KCNQ5: variants seen among roughly 807,000 people sequenced by gnomAD.
KCNQ5 encodes the protein potassium voltage-gated channel subfamily KQT member 5.
KCNQ5 carries 30 observed loss-of-function variants against 98.2 expected under a neutral mutation model. That is an observed-to-expected ratio of 0.31 (90% CI 0.23 to 0.41). KCNQ5 has a LOEUF of 0.41. Ranked by LOEUF, KCNQ5 falls within the 10% of genes least tolerant of loss-of-function variation. KCNQ5 has a pLI of 1.00. For missense variants in KCNQ5, 835 were observed against 1,182.5 expected (o/e 0.71, Z 4.31); for synonymous variants, 458 against 449.4 (o/e 1.02, Z -0.24).
chr6:73,026,933 C>T (rs1770917549), intron 2 of KCNQ5, among the ~76,000 whole-genome samples: 1 of 152,108 alleles, frequency 6.6e-6, no homozygotes, highest in Non-Finnish European at 1.5e-5. Context: ...CTTCTATCCC[C>T]TGGGCTCTGC....
chr6:72,889,714 C>A (rs1403319809), intron 1 of KCNQ5, among the ~76,000 whole-genome samples: 1 of 151,954 alleles, frequency 6.6e-6, no homozygotes, highest in Non-Finnish European at 1.5e-5. Context: ...TAAATAAGTC[C>A]CCCCTGCATA....
chr6:72,799,709 A>G (rs2154478568), intron 1 of KCNQ5, among the ~76,000 whole-genome samples: 2 of 152,336 alleles, frequency 1.3e-5, no homozygotes, highest in Middle Eastern at 3.4e-3. Flanking sequence ...TCTTGGCATC[A>G]TAGTCCTTAA....
At chr6:73,033,683 T>G (rs1443322593) in intron 2 of KCNQ5, among the ~76,000 whole-genome samples, 1 of 152,006 alleles carries the variant, frequency 6.6e-6, no homozygotes, top group Non-Finnish European at 1.5e-5. Context: ...TTAATCTAAT[T>G]TCCCCTATCT....
intron 1 of KCNQ5, among the ~76,000 whole-genome samples, chr6:72,945,981 G>A (rs1020396310): frequency 1.3e-5 from 2 of 152,042 alleles, no homozygotes; most frequent in African/African-American, 2.4e-5. Flanking sequence ...ACAGAGATTC[G>A]GGAGAGCCAT....
At chr6:72,712,944 A>G (rs541028757) in intron 1 of KCNQ5, among the ~76,000 whole-genome samples, 13 of 152,294 alleles carry the variant, frequency 8.5e-5, no homozygotes, top group East Asian at 5.8e-4. Flanking sequence ...CCCTTGGAAG[A>G]TAATCTACGT....
At chr6:72,653,588 C>T (rs778463457) in intron 1 of KCNQ5, among the ~76,000 whole-genome samples, 2 of 152,034 alleles carry the variant, frequency 1.3e-5, no homozygotes, top group Non-Finnish European at 2.9e-5. Flanking sequence ...ATGCCAATCT[C>T]TGAATAACAT....
chr6:72,631,081 T>G (rs1228897246), intron 1 of KCNQ5, among the ~76,000 whole-genome samples: 1 of 152,174 alleles, frequency 6.6e-6, no homozygotes, highest in Non-Finnish European at 1.5e-5. Context: ...ATGTGGAAGA[T>G]TAAGAGATAC....
At chr6:73,133,929 CA>C in intron 10 of KCNQ5, 1 of 542,984 alleles carries the variant, frequency 1.8e-6, no homozygotes, top group Non-Finnish European at 3.6e-6. Flanking sequence ...AGACAAGGGC[CA>C]CATTAAGATC....
At chr6:72,632,208 G>C (rs774860555) in intron 1 of KCNQ5, among the ~76,000 whole-genome samples, 3 of 136,520 alleles carry the variant, frequency 2.2e-5, no homozygotes, top group Admixed American at 8.2e-5. Flanking sequence ...CGCGATCCCC[G>C]CTCACTGCAA....
At chr6:72,943,234 A>T (rs1190504960) in intron 1 of KCNQ5, among the ~76,000 whole-genome samples, 2 of 152,192 alleles carry the variant, frequency 1.3e-5, no homozygotes, top group Admixed American at 1.3e-4. Flanking sequence ...TGCCATACAG[A>T]ATCTGCATAA....
intron 1 of KCNQ5, among the ~76,000 whole-genome samples, chr6:72,641,064 A>G (rs2098926944): frequency 6.6e-6 from 1 of 152,196 alleles, no homozygotes; most frequent in African/African-American, 2.4e-5. Context: ...CTTCTAAGGA[A>G]GTTAAATTCT....
chr6:72,871,328 A>G (rs9446777), intron 1 of KCNQ5, among the ~76,000 whole-genome samples: 13,862 of 152,136 alleles, frequency 0.091, 1,191 homozygotes, highest in African/African-American at 0.21. Flanking sequence ...ATTCTGCAAA[A>G]CCTAGTAGGA....
intron 1 of KCNQ5, among the ~76,000 whole-genome samples, chr6:72,877,043 C>T (rs916630840): frequency 1.3e-5 from 2 of 152,028 alleles, no homozygotes; most frequent in Non-Finnish European, 2.9e-5. Context: ...CACTCTCACC[C>T]ATTTTTTTTT....
intron 7 of KCNQ5, among the ~76,000 whole-genome samples, chr6:73,113,844 G>A (rs1390919624): frequency 6.6e-6 from 1 of 152,236 alleles, no homozygotes; most frequent in Non-Finnish European, 1.5e-5. Flanking sequence ...ACTGGGTTAT[G>A]TAACATATAT....
At chr6:73,116,024 A>G (rs1775475256) in intron 7 of KCNQ5, among the ~76,000 whole-genome samples, 1 of 152,228 alleles carries the variant, frequency 6.6e-6, no homozygotes, top group South Asian at 2.1e-4. Context: ...GAGGAATTTT[A>G]TAGTTCTGTT....
rs540920832 is a variant in KCNQ5, at chr6:72,912,179, G to A, written c.399-91729G>A. Among the ~76,000 whole-genome samples, 3 of 152,274 alleles carry A rather than the reference G, an allele frequency of 2.0e-5. No individual in the cohort carries two copies. In the East Asian group the frequency reaches 5.8e-4, roughly 29 times the overall value. ...GCAGATCAAGCTTGGATAGGATCCA[G>A]TATACTCACTGTCACTGAAAATAGT... On this transcript the variant is annotated intron_variant, in intron 1 of 13. Transcript: ENST00000370398.
intron 2 of KCNQ5, among the ~76,000 whole-genome samples, chr6:73,029,971 T>A (rs987377631): frequency 1.3e-5 from 2 of 150,812 alleles, no homozygotes; most frequent in Non-Finnish European, 2.9e-5. Context: ...ATGATTTTGA[T>A]GGATGACTGG....
chr6:72,644,674 G>A (rs1765496577), intron 1 of KCNQ5, among the ~76,000 whole-genome samples: 1 of 151,970 alleles, frequency 6.6e-6, no homozygotes, highest in African/African-American at 2.4e-5. Flanking sequence ...TAGCGAATAG[G>A]GCTGTGGGGA....
intron 1 of KCNQ5, among the ~76,000 whole-genome samples, chr6:72,797,059 G>A (rs908132350): frequency 2.0e-5 from 3 of 152,152 alleles, no homozygotes; most frequent in Admixed American, 1.3e-4. Flanking sequence ...TAGGACAATC[G>A]AATTACTATG....
Sources: allele counts gnomAD v4.1 joint callset (sites outside exome capture counted in the v4.1 genomes callset), GRCh38; gene constraint gnomAD v4.1.1; transcripts MANE v1.5; gene names NCBI Gene and HGNC (gene_info 2026-07-23, HGNC 2026-07-21).